TOX: variants seen among roughly 807,000 people sequenced by gnomAD.
The protein encoded by TOX is thymocyte selection-associated high mobility group box protein TOX.
Under a neutral mutation model 53.7 loss-of-function variants are expected in TOX, and 11 were observed. That is an observed-to-expected ratio of 0.20 (90% CI 0.13 to 0.34). The LOEUF (loss-of-function observed/expected upper bound fraction) is 0.34, where lower values mean the gene tolerates loss of function less well. TOX is among the 10% of genes least tolerant of loss of function. The pLI is 1.00. For synonymous variants in TOX, 225 were observed against 245.3 expected (o/e 0.92, Z 0.77); for missense variants, 570 against 664.6 (o/e 0.86, Z 1.56).
intron 1 of TOX, among the ~76,000 whole-genome samples, chr8:59,077,805 A>C (rs1192588611): frequency 6.6e-6 from 1 of 152,128 alleles, no homozygotes; most frequent in Admixed American, 6.5e-5. Context: ...AAAAAAGGAA[A>C]ATTTATTTAT....
At chr8:58,964,050 T>C (rs1812848049) in intron 1 of TOX, among the ~76,000 whole-genome samples, 1 of 151,948 alleles carries the variant, frequency 6.6e-6, no homozygotes, top group Non-Finnish European at 1.5e-5. Flanking sequence ...AAGACTGATA[T>C]AAGCACAGAT....
chr8:58,898,453 G>A (rs781584417), intron 3 of TOX, among the ~76,000 whole-genome samples: 2 of 115,738 alleles, frequency 1.7e-5, no homozygotes, highest in South Asian at 2.8e-4. Flanking sequence ...AGCAAAATTT[G>A]TTCTACAAAA....
chr8:58,852,802 A>G (rs1810848039), intron 3 of TOX, among the ~76,000 whole-genome samples: 1 of 152,210 alleles, frequency 6.6e-6, no homozygotes, highest in African/African-American at 2.4e-5. Context: ...TGAGGAAAAA[A>G]GATATATGGT....
chr8:59,006,714 C>A (rs980777251), intron 1 of TOX, among the ~76,000 whole-genome samples: 2 of 152,106 alleles, frequency 1.3e-5, no homozygotes, highest in Non-Finnish European at 2.9e-5. Flanking sequence ...TAACTTTGGC[C>A]TTAGGTACAC....
At chr8:58,936,099 T>C (rs376651218) in intron 3 of TOX, among the ~76,000 whole-genome samples, 1 of 152,162 alleles carries the variant, frequency 6.6e-6, no homozygotes, top group South Asian at 2.1e-4. Context: ...CGTAATACTT[T>C]TGCCCTTGAG....
rs752579789 is a variant in TOX, at chr8:58,815,604, G to T, written c.1126C>A (p.His376Asn). The T allele has an allele frequency of 1.2e-6, 2 of 1,614,186 alleles. No homozygotes were observed. The highest frequency in any genetic ancestry group is 2.2e-5 in the South Asian group (2 of 91,080). ...TGAGGATTCATTCCCGGTTGTTGGT[G>T]ATAGTGGGAACTTAGGTACAGGGCC... ...HSALYLSSHY[H>N]QQPGMNPHLT... The change falls in exon 7 of 9, where the codon CAC becomes AAC. Residue 376 changes from histidine to asparagine, a missense_variant. His to Asn is a moderately conservative substitution (Grantham distance 68). This residue lies in a region of TOX where 239 missense variants were observed against 250.7 expected (regional missense o/e 0.95). Coordinates refer to ENST00000361421, the MANE Select transcript of TOX (RefSeq NM_014729.3).
In TOX at chr8:59,059,145, G is replaced by A. The variant is rs185407848; in HGVS notation, c.102+59741C>T. Among the ~76,000 whole-genome samples the A allele has an allele frequency of 2.0e-5, 3 of 152,286 alleles. No individual in the cohort carries two copies. The East Asian group carries it at 5.8e-4, about 29-fold the overall frequency. On this transcript the variant is annotated intron_variant, in intron 1 of 8. Coordinates refer to ENST00000361421, the MANE Select transcript of TOX (RefSeq NM_014729.3). ...GAGGTATTTTAAGTAGATAATGAGG[G>A]TGCCTAACTAGTGAAGTAAGAGCCA...
chr8:59,108,791 C>T (rs1456721136), intron 1 of TOX, among the ~76,000 whole-genome samples: 1 of 152,038 alleles, frequency 6.6e-6, no homozygotes, highest in African/African-American at 2.4e-5. Context: ...TCTCTGAGGA[C>T]ACAAAAGCAA....
At chr8:58,854,074 C>G (rs1810870414) in intron 3 of TOX, among the ~76,000 whole-genome samples, 1 of 152,158 alleles carries the variant, frequency 6.6e-6, no homozygotes, top group Admixed American at 6.5e-5. Flanking sequence ...TTTCCCAACC[C>G]TGAACCAAAT....
intron 1 of TOX, among the ~76,000 whole-genome samples, chr8:59,053,534 GA>G (rs1248428177): frequency 1.3e-5 from 2 of 152,160 alleles, no homozygotes; most frequent in Non-Finnish European, 2.9e-5. Flanking sequence ...CTTTTATCCA[GA>G]AACGTAGTCT....
chr8:58,938,508 A>AT (rs1054542375), intron 3 of TOX, among the ~76,000 whole-genome samples: 4 of 151,604 alleles, frequency 2.6e-5, no homozygotes, highest in Non-Finnish European at 5.9e-5. Flanking sequence ...TCTACTACTG[A>AT]TTTTTTTTTC....
intron 3 of TOX, among the ~76,000 whole-genome samples, chr8:58,897,474 C>G (rs1275991028): frequency 6.6e-6 from 1 of 152,182 alleles, no homozygotes; most frequent in Non-Finnish European, 1.5e-5. Flanking sequence ...ATGACAGGAA[C>G]TCATTGTAAA....
chr8:58,898,757 G>A (rs189643947), intron 3 of TOX, among the ~76,000 whole-genome samples: 200 of 152,302 alleles, frequency 1.3e-3, no homozygotes, highest in Admixed American at 3.5e-3. Flanking sequence ...TGAATCCCAC[G>A]AGGACACTGA....
At chr8:59,046,858 C>T in intron 1 of TOX, among the ~76,000 whole-genome samples, 1 of 77,882 alleles carries the variant, frequency 1.3e-5, no homozygotes, top group Admixed American at 1.8e-4. Flanking sequence ...GACTATGTCT[C>T]AAAAAAAAAA....
chr8:58,841,793 T>G (rs564749589), intron 4 of TOX, among the ~76,000 whole-genome samples: 1 of 152,342 alleles, frequency 6.6e-6, no homozygotes, highest in Middle Eastern at 3.4e-3. Flanking sequence ...TATTTGTCAA[T>G]TATACCTCAA....
At chr8:58,929,170 T>A (rs1812217213) in intron 3 of TOX, among the ~76,000 whole-genome samples, 1 of 152,150 alleles carries the variant, frequency 6.6e-6, no homozygotes. Flanking sequence ...GATTTAACTA[T>A]CATTTTTGTG....
At chr8:59,004,744 C>T (rs560550537) in intron 1 of TOX, among the ~76,000 whole-genome samples, 79 of 151,108 alleles carry the variant, frequency 5.2e-4, no homozygotes, top group Non-Finnish European at 1.0e-3. Context: ...AATGAGACAA[C>T]GTAACTACCT....
At chr8:58,831,548 TAGAAC>T (rs1810454440) in intron 5 of TOX, among the ~76,000 whole-genome samples, 1 of 152,200 alleles carries the variant, frequency 6.6e-6, no homozygotes, top group Non-Finnish European at 1.5e-5. Context: ...CCTAATATAT[TAGAAC>T]AGGTATATGG....
intron 1 of TOX, among the ~76,000 whole-genome samples, chr8:59,102,722 T>C (rs1804827636): frequency 6.6e-6 from 1 of 152,136 alleles, no homozygotes; most frequent in Non-Finnish European, 1.5e-5. Context: ...TCTAAGAAAG[T>C]AATTCAGAAG....
Sources: gnomAD v4.1 joint callset for allele counts (sites outside exome capture counted in the v4.1 genomes callset) on GRCh38, gnomAD v4.1.1 for gene constraint, gnomAD v4.1.1 regional missense constraint, MANE v1.5 for transcripts, NCBI Gene and HGNC (gene_info 2026-07-23, HGNC 2026-07-21) for gene names.